Variants in KIRREL3 observed in about 807,000 individuals in gnomAD.
The protein encoded by KIRREL3 is kin of IRRE-like protein 3.
Under a neutral mutation model 89.7 loss-of-function variants are expected in KIRREL3, and 36 were observed. That is an observed-to-expected ratio of 0.40 (90% CI 0.31 to 0.53). The LOEUF (loss-of-function observed/expected upper bound fraction) is 0.53, where lower values mean the gene tolerates loss of function less well. KIRREL3 is among the 20% of genes least tolerant of loss of function. KIRREL3 has a pLI of 0.49. For synonymous variants in KIRREL3, 445 were observed against 441.4 expected (o/e 1.01, Z -0.10); for missense variants, 864 against 1,056.6 (o/e 0.82, Z 2.53).
At chr11:126,826,738 AC>A (rs1943430268) in intron 1 of KIRREL3, among the ~76,000 whole-genome samples, 1 of 152,210 alleles carries the variant, frequency 6.6e-6, no homozygotes, top group Non-Finnish European at 1.5e-5. Flanking sequence ...ACCTGACAGC[AC>A]CATTTCTACT....
chr11:127,002,475 G>A (rs1305190998), upstream of KIRREL3, among the ~76,000 whole-genome samples: 2 of 152,208 alleles, frequency 1.3e-5, no homozygotes, highest in Non-Finnish European at 2.9e-5. Flanking sequence ...AACAGATCAT[G>A]CAATAAATGG....
At position 126,530,426 on chromosome 11, in the gene KIRREL3, GAA is replaced by G. The variant is rs1958905859; in HGVS notation, c.134-3741_134-3740del. On this transcript the variant is annotated intron_variant, in intron 2 of 16. Coordinates refer to ENST00000525144, the MANE Select transcript of KIRREL3 (RefSeq NM_032531.4). The surrounding 1 kb of genome is among the most constrained non-coding windows in gnomAD (Gnocchi z 5.8). ...TCCCCATTTTCTTTTCTACTCCAAA[GAA>G]GTGAAATGCAAGTGAGCCCAAGGTC... 6.6e-6 allele frequency among the ~76,000 whole-genome samples: 1 copy of G among 152,136 alleles called. No homozygotes were observed. Among genetic ancestry groups the G allele is most frequent in the South Asian group, 2.1e-4 (1 of 4,826 alleles).
At chr11:126,425,098 C>T in intron 16 of KIRREL3, 75 bp from the exon 17 acceptor site, 1 of 1,355,210 alleles carries the variant, frequency 7.4e-7, no homozygotes, top group Non-Finnish European at 9.9e-7. Flanking sequence ...CCAGGCTGAG[C>T]CCGTCCCCTT....
chr11:126,517,493 G>C (rs986402983), intron 4 of KIRREL3, among the ~76,000 whole-genome samples: 1 of 152,148 alleles, frequency 6.6e-6, no homozygotes, highest in Non-Finnish European at 1.5e-5. Flanking sequence ...GGCTACAGAG[G>C]GGTGGTTGGG....
At position 126,435,186 on chromosome 11, in the gene KIRREL3, C is replaced by G. The variant is rs564167221; in HGVS notation, c.1588+82G>C. On this transcript the variant is annotated intron_variant, in intron 13 of 16. Transcript: ENST00000525144. The stretch of plus-strand genomic sequence containing the variant: ...CTAGCGGCCAGCACAGGCCTCCCTA[C>G]CCCCTGCTGGGTTCCCTCCCCAGCT... 152 of 1,441,818 alleles carry G rather than the reference C, an allele frequency of 1.1e-4. No individual in the cohort carries two copies. In the African/African-American group the frequency reaches 1.9e-3, roughly 18 times the overall value. The allele number at this position is 1,441,818 out of a possible 1,614,324, so 89.3% of individuals were successfully genotyped here.
intron 1 of KIRREL3, among the ~76,000 whole-genome samples, chr11:126,672,217 A>G (rs1034472014): frequency 5.3e-5 from 8 of 152,240 alleles, no homozygotes; most frequent in South Asian, 2.1e-4. Flanking sequence ...CTGGAAACAT[A>G]AAAGTTCAGA....
Position 126,565,845 on chromosome 11 carries a change from G to T in KIRREL3, c.56-2933C>A, listed in dbSNP as rs1940481836. ...AGAGAGAACCAGGAGGAAGCAGGAG[G>T]CAATTGCTTTGGCTTGGGGAGACTC... On this transcript the variant is annotated intron_variant, in intron 1 of 16. Coordinates refer to ENST00000525144, the MANE Select transcript of KIRREL3 (RefSeq NM_032531.4). The surrounding 1 kb of genome is among the most constrained non-coding windows in gnomAD (Gnocchi z 5.4). Among the ~76,000 whole-genome samples, 1 of 152,020 alleles carries T rather than the reference G, an allele frequency of 6.6e-6. No homozygotes were observed. Among genetic ancestry groups the T allele is most frequent in the South Asian group, 2.1e-4 (1 of 4,784 alleles).
chr11:126,731,019 G>A (rs770904071), intron 1 of KIRREL3, among the ~76,000 whole-genome samples: 6 of 152,140 alleles, frequency 3.9e-5, no homozygotes, highest in Non-Finnish European at 7.3e-5. Context: ...GATTACAGGC[G>A]TGAGCCACCG....
At chr11:126,899,410 A>G (rs1024387668) in intron 1 of KIRREL3, among the ~76,000 whole-genome samples, 6 of 152,360 alleles carry the variant, frequency 3.9e-5, no homozygotes, top group Admixed American at 2.6e-4. Flanking sequence ...CGTAAAAGAA[A>G]AGAAGTGTCA....
rs747552780 is a variant in KIRREL3, at chr11:126,943,334, G to A, written c.55+57121C>T. The stretch of plus-strand genomic sequence containing the variant: ...TGGAGGGAGACTCCATCTCCACCAC[G>A]GAACGCCTTACTCCTGGAACTAATC... On this transcript the variant is annotated intron_variant, in intron 1 of 16. Transcript: ENST00000525144. This position sits in a 1 kb window ranked among gnomAD's most constrained non-coding sequence, Gnocchi z 4.2. 1.1e-4 allele frequency among the ~76,000 whole-genome samples: 16 copies of A among 151,984 alleles called. No homozygotes were observed. The highest frequency in any genetic ancestry group is 2.1e-4 in the Non-Finnish European group (14 of 68,008).
intron 1 of KIRREL3, among the ~76,000 whole-genome samples, chr11:126,634,718 A>T (rs1157704400): frequency 6.6e-6 from 1 of 152,108 alleles, no homozygotes; most frequent in Non-Finnish European, 1.5e-5. Flanking sequence ...GTCCTCTCTC[A>T]CCAAGCTCTT....
In KIRREL3 at chr11:126,526,435, G is replaced by C. The variant is rs578236779; in HGVS notation, c.283+103C>G. ...GAGTTGCAGTGAAAGCTAGAGATTC[G>C]ATACTCAGACACCTGTGAAGATGGG... On this transcript the variant is annotated intron_variant, in intron 3 of 16. Transcript: ENST00000525144. This position sits in a 1 kb window ranked among gnomAD's most constrained non-coding sequence, Gnocchi z 5.7. The C allele has an allele frequency of 2.6e-6, 3 of 1,153,002 alleles. No individual in the cohort carries two copies. The South Asian group carries it at 4.7e-5, about 18-fold the overall frequency. The allele number at this position is 1,153,002 out of a possible 1,614,324, so 71.4% of individuals were successfully genotyped here.
intron 1 of KIRREL3, among the ~76,000 whole-genome samples, chr11:126,907,567 T>A: frequency 6.6e-6 from 1 of 152,190 alleles, no homozygotes; most frequent in East Asian, 1.9e-4. Context: ...AACCACATTC[T>A]TTTTAAAGTA....
intron 1 of KIRREL3, among the ~76,000 whole-genome samples, chr11:126,887,600 T>G (rs1945748540): frequency 6.6e-6 from 1 of 151,994 alleles, no homozygotes; most frequent in Non-Finnish European, 1.5e-5. Flanking sequence ...CAGCCTCTCC[T>G]CTCTCCCACC....
At chr11:126,649,271 C>A (rs541726956) in intron 1 of KIRREL3, among the ~76,000 whole-genome samples, 4 of 152,096 alleles carry the variant, frequency 2.6e-5, no homozygotes, top group South Asian at 2.1e-4. Flanking sequence ...CTGCTCCTGG[C>A]CCCTCCAAAT....
At chr11:126,923,445 CT>C (rs35440461) in intron 1 of KIRREL3, among the ~76,000 whole-genome samples, 31,704 of 94,546 alleles carry the variant, frequency 0.34, 4,562 homozygotes, top group Middle Eastern at 0.58. Context: ...TCTTCTCCTT[CT>C]TTTTTTTTTT....
Position 126,609,632 on chromosome 11 carries a change from A to C in KIRREL3, c.56-46720T>G, listed in dbSNP as rs935261586. Among the ~76,000 whole-genome samples, 6 of 152,096 alleles carry C rather than the reference A, an allele frequency of 3.9e-5. No homozygotes were observed. The highest frequency in any genetic ancestry group is 8.8e-5 in the Non-Finnish European group (6 of 68,028). ...TGCATGCTCACTTGTATAAAATCTA[A>C]CTGGAACTGGGATCGTGTTCTGGGG... On this transcript the variant is annotated intron_variant, in intron 1 of 16. Transcript: ENST00000525144. The surrounding 1 kb of genome is among the most constrained non-coding windows in gnomAD (Gnocchi z 5.0).
intron 1 of KIRREL3, among the ~76,000 whole-genome samples, chr11:126,850,613 G>A (rs1944308777): frequency 6.6e-6 from 1 of 152,172 alleles, no homozygotes; most frequent in Non-Finnish European, 1.5e-5. Context: ...AAACCACTAA[G>A]GGTCAAGGGG....
chr11:126,818,688 G>A (rs1951667123), intron 1 of KIRREL3, among the ~76,000 whole-genome samples: 2 of 151,892 alleles, frequency 1.3e-5, no homozygotes, highest in South Asian at 2.1e-4. Flanking sequence ...TTATCTGAAA[G>A]TTTAGAAAAT....
Sources: allele counts gnomAD v4.1 joint callset (sites outside exome capture counted in the v4.1 genomes callset), GRCh38; gene constraint gnomAD v4.1.1; non-coding constraint Gnocchi (gnomAD v3.1); transcripts MANE v1.5; gene names NCBI Gene and HGNC (gene_info 2026-07-23, HGNC 2026-07-21).